Variants in APLF observed in about 807,000 individuals in gnomAD.
The protein encoded by APLF is aprataxin and PNKP like factor.
A neutral mutation model predicts 55.6 loss-of-function variants in APLF; 61 were observed. That is an observed-to-expected ratio of 1.10 (90% CI 0.89 to 1.36). APLF has a LOEUF of 1.36. Ranked by LOEUF, APLF falls within the 40% of genes most tolerant of loss-of-function variation. The pLI, the probability that APLF is intolerant of heterozygous loss-of-function variation, is 0.00. For missense variants in APLF, 611 were observed against 602.5 expected, an observed-to-expected ratio of 1.01 and a Z score of -0.15; for synonymous variants, 207 against 214.8, an observed-to-expected ratio of 0.96 and a Z score of 0.32.
intron 7 of APLF, among the ~76,000 whole-genome samples, chr2:68,542,801 C>T (rs1440899564): frequency 3.9e-5 from 6 of 152,150 alleles, no homozygotes; most frequent in Admixed American, 3.9e-4. Flanking sequence ...AGAAATTCCA[C>T]TTCTGGGTAT....
At chr2:68,481,372 G>GTTTTT (rs1038431043) in intron 1 of APLF, among the ~76,000 whole-genome samples, 6 of 151,664 alleles carry the variant, frequency 4.0e-5, no homozygotes, top group African/African-American at 1.5e-4. Context: ...GTTTTGTTTT[G>GTTTTT]TTTTGTTTTG....
intron 6 of APLF, among the ~76,000 whole-genome samples, chr2:68,535,695 AC>A (rs1670367909): frequency 6.6e-6 from 1 of 151,982 alleles, no homozygotes; most frequent in Non-Finnish European, 1.5e-5. Context: ...GAATAGAAGT[AC>A]TAATAAAGTA....
In APLF at chr2:68,577,900, G is replaced by A. The variant is rs901744948; in HGVS notation, c.1414G>A (p.Glu472Lys). ...CCTGAACGACAGCTTTCTAGATGATGAGGAAGAAGACTATGAGCCAACAGA... is the reference window on the plus strand; with the variant it reads ...CCTGAACGACAGCTTTCTAGATGATAAGGAAGAAGACTATGAGCCAACAGA... ...YDLNDSFLDD[E>K]EEDYEPTDED... Residue 472 changes from glutamate to lysine, a missense_variant, in exon 10 of 10, where the codon GAG becomes AAG. Physicochemically the swap from Glu to Lys is moderately conservative, Grantham distance 56. Coordinates refer to ENST00000303795, the MANE Select transcript of APLF (RefSeq NM_173545.3). 6.2e-7 allele frequency: 1 copy of A among 1,613,500 alleles called. No homozygotes were observed. The highest frequency in any genetic ancestry group is 8.5e-7 in the Non-Finnish European group (1 of 1,179,700).
At chr2:68,517,924 T>G (rs1389644626) in intron 5 of APLF, among the ~76,000 whole-genome samples, 1 of 143,896 alleles carries the variant, frequency 6.9e-6, no homozygotes, top group Non-Finnish European at 1.5e-5. Flanking sequence ...ATCACTAATA[T>G]GTGTTAATAT....
At chr2:68,489,560 T>C (rs1409460424) in intron 1 of APLF, among the ~76,000 whole-genome samples, 1 of 152,236 alleles carries the variant, frequency 6.6e-6, no homozygotes, top group African/African-American at 2.4e-5. Context: ...CACTGTTGGC[T>C]CAAAACAGGA....
chr2:68,570,583 G>T (rs1558557188), intron 9 of APLF, among the ~76,000 whole-genome samples: 1 of 151,872 alleles, frequency 6.6e-6, no homozygotes, highest in African/African-American at 2.4e-5. Flanking sequence ...TGAGAATGTT[G>T]GTTTCCAGCT....
At chr2:68,512,951 A>G (rs952497771) in intron 3 of APLF, 129 bp from the exon 4 acceptor site, 4 of 662,832 alleles carry the variant, frequency 6.0e-6, no homozygotes, top group Admixed American at 6.2e-5. Flanking sequence ...TATATATTCT[A>G]GTATACTATA....
Position 68,513,657 on chromosome 2 carries a change from T to A in APLF, c.599T>A (p.Leu200His). The A allele has an allele frequency of 6.2e-7, 1 of 1,611,114 alleles. No homozygotes were observed. The highest frequency in any genetic ancestry group is 1.7e-5 in the Admixed American group (1 of 59,730). ...GCAGAACATTTAAGTGATCAAAACC[T>A]TTCAGTACCAGCAATCAGTGGAGGT... ...MLAEHLSDQN[L>H]SVPAISGGNV... The change falls in exon 5 of 10, where the codon CTT becomes CAT. Residue 200 changes from leucine (L) to histidine (H), a missense_variant. By Grantham distance (99) the Leu-to-His change is moderately conservative. Coordinates refer to ENST00000303795, the MANE Select transcript of APLF (RefSeq NM_173545.3).
In APLF at chr2:68,579,493, G is replaced by C. The variant is rs986279221; in HGVS notation, c.*1471G>C. On this transcript the variant is annotated 3_prime_UTR_variant, in exon 10 of 10. Transcript: ENST00000303795. ...TTTCCACATAAAAACTGTACACAATGTCAATAGAAGCATTATTCTTAACAG... is the reference window on the plus strand; with the variant it reads ...TTTCCACATAAAAACTGTACACAATCTCAATAGAAGCATTATTCTTAACAG... The C allele has an allele frequency of 2.7e-6, 2 of 736,756 alleles. No individual in the cohort carries two copies. The allele number at this position is 736,756 out of a possible 1,614,324, so 45.6% of individuals were successfully genotyped here. A position where few individuals can be genotyped will look rare whatever the true frequency, so the allele number is the denominator to read the frequency against.
Position 68,538,076 on chromosome 2 carries a change from C to A in APLF, c.1009C>A (p.Gln337Lys). The part of the protein sequence containing the change: ...NCSSAQGDSL[Q>K]DESQGSHSES... The stretch of plus-strand genomic sequence containing the variant: ...TTCGAGTGCCCAGGGCGACTCACTT[C>A]AGGATGAGTCTCAAGGGTCTCATTC... The change falls in exon 7 of 10, where the codon CAG becomes AAG. Residue 337 changes from glutamine to lysine, a missense_variant. Transcript: ENST00000303795. 6.2e-7 allele frequency: 1 copy of A among 1,614,120 alleles called. No homozygotes were observed. The highest frequency in any genetic ancestry group is 2.2e-5 in the East Asian group (1 of 44,880).
chr2:68,490,114 G>T (rs1231798259), intron 1 of APLF, 76 bp from the exon 2 acceptor site: 3 of 1,004,900 alleles, frequency 3.0e-6, no homozygotes, highest in Non-Finnish European at 4.3e-6. Context: ...ATCGCCAAGG[G>T]TTTCGTTTGC....
intron 5 of APLF, among the ~76,000 whole-genome samples, chr2:68,520,239 C>T (rs189195219): frequency 9.9e-5 from 15 of 151,976 alleles, no homozygotes; most frequent in Admixed American, 4.6e-4. Context: ...GCATAGTTTG[C>T]GAAGATTTTC....
intron 8 of APLF, among the ~76,000 whole-genome samples, chr2:68,551,903 C>G (rs1182011522): frequency 6.6e-6 from 1 of 152,010 alleles, no homozygotes; most frequent in Non-Finnish European, 1.5e-5. Flanking sequence ...CTCTACTTGG[C>G]AGGTAGGGGC....
rs143959201 is a variant in APLF, at chr2:68,484,964, C to CTGTGTG, written c.97-5213_97-5208dup. ...TATTGATTTTTCTTCTGTAATATGC[C>CTGTGTG]TGTGTGTGTGTGTGTGTGCGCACAT... On this transcript the variant is annotated intron_variant, in intron 1 of 9. Coordinates refer to ENST00000303795, the MANE Select transcript of APLF (RefSeq NM_173545.3). Among the ~76,000 whole-genome samples the CTGTGTG allele has an allele frequency of 1.8e-3, 276 of 150,256 alleles. 1 individual carries two copies. The highest frequency in any genetic ancestry group is 6.5e-3 in the African/African-American group (266 of 40,974).
At chr2:68,538,750 C>T (rs1447243547) in intron 7 of APLF, among the ~76,000 whole-genome samples, 1 of 140,486 alleles carries the variant, frequency 7.1e-6, no homozygotes, top group East Asian at 1.9e-4. Flanking sequence ...ACTCTAATTT[C>T]TTATTTTGAG....
chr2:68,513,650 C>T lies in APLF; in HGVS notation c.592C>T (p.Gln198Ter), dbSNP rs1005487959. The T allele has an allele frequency of 1.2e-6, 2 of 1,611,094 alleles. No individual in the cohort carries two copies. The highest frequency in any genetic ancestry group is 1.3e-5 in the African/African-American group (1 of 74,744). ...TWMLAEHLSD[Q>*]NLSVPAISGG... is the part of the protein sequence containing the mutation. ...GATGTTAGCAGAACATTTAAGTGATCAAAACCTTTCAGTACCAGCAATCAG... is the reference window on the plus strand; with the variant it reads ...GATGTTAGCAGAACATTTAAGTGATTAAAACCTTTCAGTACCAGCAATCAG... Residue 198 changes from glutamine (Q) to a stop codon, truncating the protein, a stop_gained, in exon 5 of 10, where the codon CAA (glutamine) becomes TAA (stop). Transcript: ENST00000303795. LOFTEE classifies it high-confidence loss of function.
intron 1 of APLF, among the ~76,000 whole-genome samples, chr2:68,484,590 G>A (rs981979560): frequency 6.6e-6 from 1 of 151,968 alleles, no homozygotes; most frequent in South Asian, 2.1e-4. Context: ...TACCCGGGAG[G>A]CTGAGGCAGG....
chr2:68,513,434 C>G, intron 4 of APLF, 114 bp from the exon 5 acceptor site: 1 of 1,306,212 alleles, frequency 7.7e-7, no homozygotes, highest in East Asian at 2.3e-5. Context: ...ATTTTATGAA[C>G]TCAGTCTACA....
intron 8 of APLF, among the ~76,000 whole-genome samples, chr2:68,551,224 C>G (rs1260374728): frequency 6.6e-6 from 1 of 151,912 alleles, no homozygotes; most frequent in Non-Finnish European, 1.5e-5. Context: ...ATTATTATTG[C>G]CATTATATTT....
Sources: gnomAD v4.1 joint callset for allele counts (sites outside exome capture counted in the v4.1 genomes callset) on GRCh38, gnomAD v4.1.1 for gene constraint, MANE v1.5 for transcripts, NCBI Gene and HGNC (gene_info 2026-07-23, HGNC 2026-07-21) for gene names.